AGPAT5: variants seen among roughly 807,000 people sequenced by gnomAD.
AGPAT5 encodes the protein 1-acyl-sn-glycerol-3-phosphate acyltransferase epsilon.
A neutral mutation model predicts 45.6 loss-of-function variants in AGPAT5; 46 were observed. The ratio of observed to expected loss-of-function variants is 1.01; its 90% CI spans 0.80 to 1.29. AGPAT5 has a LOEUF of 1.29. Ranked by LOEUF, AGPAT5 falls within the 50% of genes most tolerant of loss-of-function variation. The pLI, the probability that AGPAT5 is intolerant of heterozygous loss-of-function variation, is 0.00. For synonymous variants in AGPAT5, 272 were observed against 167.0 expected (o/e 1.63, Z -4.85); for missense variants, 673 against 450.7 (o/e 1.49, Z -4.47).
chr8:6,757,078 A>G, intron 7 of AGPAT5, 85 bp from the exon 8 acceptor site: 2 of 990,016 alleles, frequency 2.0e-6, no homozygotes, highest in Non-Finnish European at 3.0e-6. Flanking sequence ...TAACTTTTCC[A>G]GCGTGTAATA....
intron 5 of AGPAT5, chr8:6,745,701 GTTA>G (rs978149474): frequency 4.7e-5 from 7 of 149,362 alleles, no homozygotes; most frequent in African/African-American, 1.7e-4. Flanking sequence ...CGTATTCCCT[GTTA>G]TTATTTTTAC....
chr8:6,753,192 T>A (rs1199027950), intron 6 of AGPAT5, among the ~76,000 whole-genome samples: 1 of 152,210 alleles, frequency 6.6e-6, no homozygotes, highest in Non-Finnish European at 1.5e-5. Context: ...CAGCACTGCC[T>A]CTTCTTCCAA....
At chr8:6,733,359 C>T (rs1295512077) in intron 4 of AGPAT5, among the ~76,000 whole-genome samples, 1 of 152,198 alleles carries the variant, frequency 6.6e-6, no homozygotes, top group Non-Finnish European at 1.5e-5. Context: ...TCCTGCCCTC[C>T]CCTCACCAGG....
intron 4 of AGPAT5, among the ~76,000 whole-genome samples, chr8:6,734,095 G>A (rs145862808): frequency 1.3e-5 from 2 of 152,042 alleles, no homozygotes; most frequent in African/African-American, 2.4e-5. Flanking sequence ...GGTCCTCTGA[G>A]CTTGGATCTA....
chr8:6,758,240 C>T lies in AGPAT5; in HGVS notation c.*852C>T, dbSNP rs1362092045. On this transcript the variant is annotated 3_prime_UTR_variant, in exon 8 of 8. Coordinates refer to ENST00000285518, the MANE Select transcript of AGPAT5 (RefSeq NM_018361.5). Reference sequence around the variant, plus strand: ...TTAATATCAAAAGAGTCGGTGTGAACCTTGGTTGGACCCCAAGTTCACAAG... The same window carrying T: ...TTAATATCAAAAGAGTCGGTGTGAATCTTGGTTGGACCCCAAGTTCACAAG... 1 of 152,354 alleles carries T rather than the reference C, an allele frequency of 6.6e-6. No homozygotes were observed. The highest frequency in any genetic ancestry group is 2.4e-5 in the African/African-American group (1 of 41,366). 9.4% of individuals were successfully genotyped at this position (152,354 alleles called of 1,614,324 possible). A position where few individuals can be genotyped will look rare whatever the true frequency, so the allele number is the denominator to read the frequency against.
chr8:6,734,926 C>G (rs1800995249), intron 4 of AGPAT5, among the ~76,000 whole-genome samples: 1 of 152,164 alleles, frequency 6.6e-6, no homozygotes, highest in African/African-American at 2.4e-5. Flanking sequence ...CTATTTCACA[C>G]TCAGCGTTTT....
At chr8:6,720,153 A>G (rs928835962) in intron 1 of AGPAT5, among the ~76,000 whole-genome samples, 3 of 152,174 alleles carry the variant, frequency 2.0e-5, no homozygotes, top group African/African-American at 7.2e-5. Flanking sequence ...AGAAAGCCCC[A>G]CTAGATAGTG....
At chr8:6,731,283 A>G (rs1800853312) in intron 3 of AGPAT5, among the ~76,000 whole-genome samples, 1 of 152,106 alleles carries the variant, frequency 6.6e-6, no homozygotes, top group Non-Finnish European at 1.5e-5. Context: ...AGTGGTGTGT[A>G]TTTATATACG....
At chr8:6,750,272 A>C (rs891803125) in intron 6 of AGPAT5, among the ~76,000 whole-genome samples, 7 of 152,170 alleles carry the variant, frequency 4.6e-5, no homozygotes, top group Non-Finnish European at 7.3e-5. Context: ...GCCTTGAGGA[A>C]GCCAAAACCT....
At position 6,741,685 on chromosome 8, in the gene AGPAT5, G is replaced by C; in HGVS notation, c.520G>C (p.Gly174Arg). The part of the protein sequence containing the change: ...TPMYLVIFPE[G>R]TRYNPEQTKV... ...GATGTATCTTGTGATTTTTCCAGAAGGTACAAGGTATAATCCAGAGCAAAC... is the reference window on the plus strand; with the variant it reads ...GATGTATCTTGTGATTTTTCCAGAACGTACAAGGTATAATCCAGAGCAAAC... The change falls in exon 5 of 8, where the codon GGT becomes CGT. Residue 174 changes from glycine to arginine, a missense_variant. Physicochemically the swap from Gly to Arg is moderately radical, Grantham distance 125. Coordinates refer to ENST00000285518, the MANE Select transcript of AGPAT5 (RefSeq NM_018361.5). The C allele has an allele frequency of 6.2e-7, 1 of 1,606,648 alleles. No homozygotes were observed. The highest frequency in any genetic ancestry group is 8.5e-7 in the Non-Finnish European group (1 of 1,177,058).
chr8:6,723,781 A>G (rs1800588507), intron 1 of AGPAT5, among the ~76,000 whole-genome samples: 1 of 152,256 alleles, frequency 6.6e-6, no homozygotes, highest in Non-Finnish European at 1.5e-5. Context: ...CCTGGCTTCC[A>G]GAACTTTATG....
chr8:6,744,376 C>G (rs1487885400), intron 5 of AGPAT5, among the ~76,000 whole-genome samples: 2 of 152,210 alleles, frequency 1.3e-5, no homozygotes, highest in African/African-American at 4.8e-5. Flanking sequence ...TGTTTGCTCC[C>G]TGTGGCTGCT....
intron 2 of AGPAT5, among the ~76,000 whole-genome samples, chr8:6,726,193 T>C (rs1800680855): frequency 6.6e-6 from 1 of 152,194 alleles, no homozygotes; most frequent in Non-Finnish European, 1.5e-5. Flanking sequence ...TGCAGACATA[T>C]TGGCTGTTTT....
In AGPAT5 at chr8:6,739,020, T is replaced by A. The variant is rs376169167; in HGVS notation, c.496-2641T>A. On this transcript the variant is annotated intron_variant, in intron 4 of 7. Coordinates refer to ENST00000285518, the MANE Select transcript of AGPAT5 (RefSeq NM_018361.5). ...TATGGTGTAAGATCGAAGTTCATATTTTTTTAATATAGGTAACCATCACTA... is the reference window on the plus strand; with the variant it reads ...TATGGTGTAAGATCGAAGTTCATATATTTTTAATATAGGTAACCATCACTA... 2.6e-4 allele frequency among the ~76,000 whole-genome samples: 40 copies of A among 152,194 alleles called. 1 individual carries two copies. In the South Asian group the frequency reaches 7.5e-3, roughly 28 times the overall value.
chr8:6,719,076 TA>T (rs1659297708), intron 1 of AGPAT5, among the ~76,000 whole-genome samples: 1 of 152,252 alleles, frequency 6.6e-6, no homozygotes, highest in South Asian at 2.1e-4. Context: ...AACAGTTTTT[TA>T]TTCAGCTTTG....
intron 1 of AGPAT5, 80 bp downstream of exon 1, chr8:6,708,967 G>A (rs1800038958): frequency 2.1e-6 from 3 of 1,410,908 alleles, no homozygotes; most frequent in Non-Finnish European, 2.9e-6. Flanking sequence ...CCCACAGCTG[G>A]CGAGGGTCAC....
rs1335410117 is a variant in AGPAT5 at position 6,730,337 on chromosome 8, TTTTTTTTTTTTG to T, written c.290-373_290-362del. 4.4e-4 allele frequency among the ~76,000 whole-genome samples: 4 copies of T among 9,190 alleles called. 1 individual carries two copies. Among genetic ancestry groups the T allele is most frequent in the Middle Eastern group, 0.038 (1 of 26 alleles). 6.0% of individuals were successfully genotyped at this position (9,190 alleles called of 152,430 possible). A position where few individuals can be genotyped will look rare whatever the true frequency, so the allele number is the denominator to read the frequency against. ...ATAGGACTTTTTTTTTTTTTTTTTTTTTTTTTTTTTTGGAGACGGAGTCTCGCTGTCGCCCAG... is the reference window on the plus strand; with the variant it reads ...ATAGGACTTTTTTTTTTTTTTTTTTTGAGACGGAGTCTCGCTGTCGCCCAG... On this transcript the variant is annotated intron_variant, in intron 2 of 7. Transcript: ENST00000285518.
At chr8:6,739,967 G>C (rs946209002) in intron 4 of AGPAT5, among the ~76,000 whole-genome samples, 2 of 151,800 alleles carry the variant, frequency 1.3e-5, no homozygotes, top group Admixed American at 6.6e-5. Flanking sequence ...GATATGTAAC[G>C]ACATGTTTTT....
chr8:6,757,457 A>C lies in AGPAT5; in HGVS notation c.*69A>C. 3.3e-6 allele frequency: 4 copies of C among 1,205,552 alleles called. No homozygotes were observed. The highest frequency in any genetic ancestry group is 4.9e-6 in the Non-Finnish European group (4 of 824,168). 74.7% of individuals were successfully genotyped at this position (1,205,552 alleles called of 1,614,324 possible). A position where few individuals can be genotyped will look rare whatever the true frequency, so the allele number is the denominator to read the frequency against. The stretch of plus-strand genomic sequence containing the variant: ...TTTTTGGCGGCTGCACATGACATCA[A>C]ATTGTTTCCTGAATTTATTAAGGAG... On this transcript the variant is annotated 3_prime_UTR_variant, in exon 8 of 8. Transcript: ENST00000285518.
Sources: gnomAD v4.1 joint callset for allele counts (sites outside exome capture counted in the v4.1 genomes callset) on GRCh38, gnomAD v4.1.1 for gene constraint, MANE v1.5 for transcripts, NCBI Gene and HGNC (gene_info 2026-07-23, HGNC 2026-07-21) for gene names.